The following SMARCAD1 variants were observed in gnomAD, a reference collection of about 807,000 sequenced individuals.
The protein encoded by SMARCAD1 is SWI/SNF-related matrix-associated actin-dependent regulator of chromatin subfamily A containing DEAD/H box 1.
In SMARCAD1, 25 loss-of-function variants were observed where a neutral mutation model predicts 127.1. The observed-to-expected ratio is 0.20, with a 90% CI of 0.14 to 0.27. SMARCAD1 has a LOEUF of 0.27. Ranked by LOEUF, SMARCAD1 falls within the 10% of genes least tolerant of loss-of-function variation. The pLI is 1.00. For missense variants in SMARCAD1, 807 were observed against 1,206.0 expected (o/e 0.67, Z 4.90); for synonymous variants, 400 against 396.9 (o/e 1.01, Z -0.09).
intron 21 of SMARCAD1, among the ~76,000 whole-genome samples, chr4:94,281,884 A>G (rs1380749830): frequency 6.6e-6 from 1 of 150,984 alleles, no homozygotes; most frequent in African/African-American, 2.4e-5. Context: ...AACAACAACA[A>G]CAACAAAAAT....
Position 94,264,402 on chromosome 4 carries a change from GAAT to G in SMARCAD1, c.1282-304_1282-302del, listed in dbSNP as rs1560551519. 5 of 235,064 alleles carry G rather than the reference GAAT, an allele frequency of 2.1e-5. No homozygotes were observed. In the East Asian group the frequency reaches 4.7e-4, roughly 22 times the overall value. 14.6% of individuals were successfully genotyped at this position (235,064 alleles called of 1,614,324 possible). ...ATAGGAGATAGTAACAATTACTTGT[GAAT>G]GTTTCTCTTATAAGAGAATAGCTGC... On this transcript the variant is annotated intron_variant, in intron 9 of 23. Transcript: ENST00000354268.
chr4:94,255,089 T>A (rs1228683841), intron 9 of SMARCAD1, among the ~76,000 whole-genome samples: 1 of 152,018 alleles, frequency 6.6e-6, no homozygotes, highest in East Asian at 1.9e-4. Context: ...AAAATTGTTT[T>A]GTGTTGATAG....
At position 94,277,171 on chromosome 4, in the gene SMARCAD1, T is replaced by C. The variant is rs746599291; in HGVS notation, c.2082+12T>C. 1 of 1,613,754 alleles carries C rather than the reference T, an allele frequency of 6.2e-7. No homozygotes were observed. The highest frequency in any genetic ancestry group is 8.5e-7 in the Non-Finnish European group (1 of 1,179,730). ...TTTCCTCTAAGACAGTAAGCATAAA[T>C]GCATATTTTCTCCCAAATATGTTAT... On this transcript the variant is annotated intron_variant, in intron 16 of 23. Transcript: ENST00000354268.
intron 6 of SMARCAD1, among the ~76,000 whole-genome samples, chr4:94,247,969 G>C (rs1474375986): frequency 6.6e-6 from 1 of 152,192 alleles, no homozygotes; most frequent in African/African-American, 2.4e-5. Flanking sequence ...GTACTCCATA[G>C]GTAGTTTTCC....
In SMARCAD1 at chr4:94,277,207, T is replaced by A. The variant is rs192657303; in HGVS notation, c.2082+48T>A. On this transcript the variant is annotated intron_variant, in intron 16 of 23. Transcript: ENST00000354268. ...TCCCAAATATGTTATTTGTGTTTTA[T>A]CTGGGCCATTCTTCTGTTAGGTCTC... The A allele has an allele frequency of 8.7e-6, 14 of 1,600,558 alleles. 1 individual carries two copies. The African/African-American group carries it at 1.6e-4, about 18-fold the overall frequency.
intron 14 of SMARCAD1, among the ~76,000 whole-genome samples, chr4:94,275,684 T>C (rs1172321465): frequency 9.2e-5 from 14 of 152,190 alleles, no homozygotes; most frequent in African/African-American, 3.4e-4. Context: ...TCACGTTCTT[T>C]TTTGTGCTTA....
intron 2 of SMARCAD1, among the ~76,000 whole-genome samples, chr4:94,213,761 G>C (rs1170054872): frequency 2.0e-5 from 3 of 152,118 alleles, no homozygotes; most frequent in African/African-American, 7.2e-5. Flanking sequence ...ACCATGGACT[G>C]AATTAAGAGG....
Position 94,252,838 on chromosome 4 carries a change from A to G in SMARCAD1, c.1112A>G (p.Asp371Gly). The change falls in exon 9 of 24, where the codon GAT (aspartate) becomes GGT (glycine). Residue 371 changes from aspartate (D) to glycine (G), a missense_variant. Around this residue, in one of 8 missense-constraint regions of SMARCAD1, gnomAD observed 257 missense variants for 303.4 expected, o/e 0.85. Transcript: ENST00000354268. ...GGTTCTGATGTCGGTAGTTCACTAG[A>G]TGAGGACTATAGTAGTGGTGAAGAA... ...DSGSDVGSSL[D>G]EDYSSGEEVM... 6.2e-7 allele frequency: 1 copy of G among 1,614,102 alleles called. No homozygotes were observed. The highest frequency in any genetic ancestry group is 8.5e-7 in the Non-Finnish European group (1 of 1,179,956).
At position 94,284,613 on chromosome 4, in the gene SMARCAD1, C is replaced by T. The variant is rs547637961; in HGVS notation, c.2910-347C>T. 5.6e-5 allele frequency among the ~76,000 whole-genome samples: 8 copies of T among 142,708 alleles called. No homozygotes were observed. The South Asian group carries it at 1.8e-3, about 31-fold the overall frequency. The allele number at this position is 142,708 out of a possible 152,430, so 93.6% of individuals were successfully genotyped here. On this transcript the variant is annotated intron_variant, in intron 22 of 23. Coordinates refer to ENST00000354268, the MANE Select transcript of SMARCAD1 (RefSeq NM_020159.5). ...TTTCGTTTTTTTTTTTAAGTGGAGA[C>T]AGGGTTTTGTCATGTTGGCCAGGCT...
rs559370929 is a variant in SMARCAD1, at chr4:94,276,033, G to A, written c.1809-306G>A. On this transcript the variant is annotated intron_variant, in intron 14 of 23. Transcript: ENST00000354268. Reference sequence around the variant, plus strand: ...AGGATGGTCTCGATCTTCTGACCTCGTGATCCGCCCGCCTCGGCCTCCAAA... The same window carrying A: ...AGGATGGTCTCGATCTTCTGACCTCATGATCCGCCCGCCTCGGCCTCCAAA... 3.9e-5 allele frequency among the ~76,000 whole-genome samples: 6 copies of A among 152,036 alleles called. No individual in the cohort carries two copies. The East Asian group carries it at 7.7e-4, about 20-fold the overall frequency.
At position 94,232,218 on chromosome 4, in the gene SMARCAD1, G is replaced by A. The variant is rs1745954761; in HGVS notation, c.369-1736G>A. 3.3e-5 allele frequency among the ~76,000 whole-genome samples: 5 copies of A among 152,034 alleles called. No individual in the cohort carries two copies. The South Asian group carries it at 1.0e-3, about 32-fold the overall frequency. On this transcript the variant is annotated intron_variant, in intron 3 of 23. Transcript: ENST00000354268. Reference sequence around the variant, plus strand: ...TTTTCTATCACTTGTATTTCCTGTAGTCTGGAAGATAAATCCAAGCCATAG... The same window carrying A: ...TTTTCTATCACTTGTATTTCCTGTAATCTGGAAGATAAATCCAAGCCATAG...
intron 6 of SMARCAD1, among the ~76,000 whole-genome samples, chr4:94,247,688 C>T (rs1452891273): frequency 6.6e-6 from 1 of 152,148 alleles, no homozygotes; most frequent in African/African-American, 2.4e-5. Context: ...TCCCCATTCC[C>T]TCCTCCCCCT....
At position 94,280,695 on chromosome 4, in the gene SMARCAD1, A is replaced by G. The variant is rs373034529; in HGVS notation, c.2522A>G (p.Asn841Ser). The change falls in exon 20 of 24, where the codon AAT becomes AGT. Residue 841 changes from asparagine to serine, a missense_variant. Asn to Ser is a conservative substitution (Grantham distance 46, BLOSUM62 1). Around this residue, in one of 8 missense-constraint regions of SMARCAD1, gnomAD observed 99 missense variants for 126.0 expected, o/e 0.79. Transcript: ENST00000354268. ...HVLCKQYRHI[N>S]NFQLDMDLIL... ...CTTTGTAAACAGTACCGACACATTA[A>G]TAACTTTCAGTTAGACATGGACTTG... 6.0e-5 allele frequency: 97 copies of G among 1,613,676 alleles called. No individual in the cohort carries two copies. Among genetic ancestry groups the G allele is most frequent in the Non-Finnish European group, 7.9e-5 (93 of 1,179,846 alleles).
chr4:94,257,256 A>G (rs780452696), intron 9 of SMARCAD1, among the ~76,000 whole-genome samples: 16 of 152,168 alleles, frequency 1.1e-4, no homozygotes, highest in Non-Finnish European at 1.9e-4. Context: ...TAAAATTGAA[A>G]CAGCATGTGC....
chr4:94,233,944 A>G lies in SMARCAD1; in HGVS notation c.369-10A>G. 6.2e-7 allele frequency: 1 copy of G among 1,613,430 alleles called. No individual in the cohort carries two copies. The highest frequency in any genetic ancestry group is 8.5e-7 in the Non-Finnish European group (1 of 1,179,588). ...AAAAATGTTTTTTGCTCCTCTAAAA[A>G]TATTTTTAGTTCTGAGCCATCTGAA... On this transcript the variant is annotated splice_polypyrimidine_tract_variant and intron_variant, in intron 3 of 23. Coordinates refer to ENST00000354268, the MANE Select transcript of SMARCAD1 (RefSeq NM_020159.5).
At position 94,208,567 on chromosome 4, in the gene SMARCAD1, A is replaced by G; in HGVS notation, c.173A>G (p.Asp58Gly). 1 of 1,614,078 alleles carries G rather than the reference A, an allele frequency of 6.2e-7. No individual in the cohort carries two copies. The highest frequency in any genetic ancestry group is 8.5e-7 in the Non-Finnish European group (1 of 1,179,930). The change falls in exon 2 of 24, where the codon GAT (aspartate) becomes GGT (glycine). Residue 58 changes from aspartate to glycine, a missense_variant. Transcript: ENST00000354268. The part of the protein sequence containing the change: ...EVSRANTPDS[D>G]ITEKTEDSSV... ...AGCAGGGCAAACACTCCTGATTCAG[A>G]TATAACTGAAAAAACAGGTGAGTTA...
chr4:94,233,869 TACTATGTATAC>T (rs1560525212), intron 3 of SMARCAD1, 74 bp from the exon 4 acceptor site: 3 of 1,318,748 alleles, frequency 2.3e-6, no homozygotes, highest in African/African-American at 2.9e-5. Flanking sequence ...AGATGTGTTG[TACTATGTATAC>T]ACATAGACAC....
Position 94,264,905 on chromosome 4 carries a change from A to C in SMARCAD1, c.1480A>C (p.Ser494Arg). Residue 494 changes from serine (S) to arginine (R), a missense_variant and splice_region_variant, in exon 10 of 24, where the codon AGT becomes CGT. Transcript: ENST00000354268. ...NIEQPSILNQ[S>R]LSLKPYQKVG... ...AGAACAACCTTCCATTCTAAACCAA[A>C]GGTAATCTTTGTTGAATATATTTAT... is the stretch of plus-strand genomic sequence containing the variant. 1 of 1,607,892 alleles carries C rather than the reference A, an allele frequency of 6.2e-7. No individual in the cohort carries two copies. Among genetic ancestry groups the C allele is most frequent in the Non-Finnish European group, 8.5e-7 (1 of 1,174,884 alleles).
intron 3 of SMARCAD1, among the ~76,000 whole-genome samples, chr4:94,228,543 A>G (rs1457482418): frequency 1.3e-5 from 2 of 152,224 alleles, no homozygotes; most frequent in South Asian, 4.1e-4. Context: ...CCTTTAGAGC[A>G]TTGCTACTCA....
Sources: gnomAD v4.1 joint callset for allele counts (sites outside exome capture counted in the v4.1 genomes callset) on GRCh38, gnomAD v4.1.1 for gene constraint, gnomAD v4.1.1 regional missense constraint, MANE v1.5 for transcripts, NCBI Gene and HGNC (gene_info 2026-07-23, HGNC 2026-07-21) for gene names.